ALMS1: variants seen among roughly 807,000 people sequenced by gnomAD.
ALMS1 encodes centrosome-associated protein ALMS1.
In ALMS1, 271 loss-of-function variants were observed where a neutral mutation model predicts 352.2. That is an observed-to-expected ratio of 0.77 (90% CI 0.70 to 0.85). The LOEUF is 0.85. Ranked by LOEUF, ALMS1 falls within the 40% of genes least tolerant of loss-of-function variation. The pLI, the probability that ALMS1 is intolerant of heterozygous loss-of-function variation, is 0.00. For synonymous variants in ALMS1, 1,865 were observed against 1,761.2 expected, an observed-to-expected ratio of 1.06 and a Z score of -1.48; for missense variants, 5,445 against 4,870.7, an observed-to-expected ratio of 1.12 and a Z score of -3.51.
rs1398660557 is a variant in ALMS1 at position 73,600,822 on chromosome 2, T to C, written c.11813T>C (p.Leu3938Pro). The change falls in exon 18 of 23, where the codon CTC (leucine) becomes CCC (proline). Residue 3938 changes from leucine (L) to proline (P), a missense_variant. Transcript: ENST00000613296. Reference sequence around the variant, plus strand: ...GAAGAAAAACGTGAAGAGAAAATGCTCTTTACCGGTTATCCTGAGGACAGA... The same window carrying C: ...GAAGAAAAACGTGAAGAGAAAATGCCCTTTACCGGTTATCCTGAGGACAGA... ...WSEEKREEKM[L>P]FTGYPEDRKL... The C allele has an allele frequency of 1.2e-6, 2 of 1,614,220 alleles. No homozygotes were observed. The highest frequency in any genetic ancestry group is 1.3e-5 in the African/African-American group (1 of 75,056).
At position 73,453,206 on chromosome 2, in the gene ALMS1, G is replaced by T. The variant is rs1671986679; in HGVS notation, c.6679G>T (p.Ala2227Ser). 6.2e-7 allele frequency: 1 copy of T among 1,613,858 alleles called. No individual in the cohort carries two copies. Among genetic ancestry groups the T allele is most frequent in the African/African-American group, 1.3e-5 (1 of 74,882 alleles). The change falls in exon 8 of 23, where the codon GCT becomes TCT. Residue 2227 changes from alanine to serine, a missense_variant. Ala to Ser is a moderately conservative substitution (Grantham distance 99, BLOSUM62 1). Coordinates refer to ENST00000613296, the MANE Select transcript of ALMS1 (RefSeq NM_001378454.1). ...SSNNVLLNSQ[A>S]DDRVVINKPE... Reference sequence around the variant, plus strand: ...AAATAATGTGCTTTTAAATTCTCAGGCTGATGACAGAGTTGTAATAAATAA... The same window carrying T: ...AAATAATGTGCTTTTAAATTCTCAGTCTGATGACAGAGTTGTAATAAATAA...
chr2:73,495,451 G>T (rs555768678), intron 10 of ALMS1, among the ~76,000 whole-genome samples: 1 of 152,212 alleles, frequency 6.6e-6, no homozygotes, highest in South Asian at 2.1e-4. Context: ...GGCCAGGCTG[G>T]TCTTGAACTC....
In ALMS1 at chr2:73,609,656, AC is replaced by A; in HGVS notation, c.*46del. 6.3e-7 allele frequency: 1 copy of A among 1,581,128 alleles called. No homozygotes were observed. The highest frequency in any genetic ancestry group is 8.7e-7 in the Non-Finnish European group (1 of 1,150,048). ...AGAGCCTTGGAATTCTATTTTATGAACCTAGAGAAGCAGAATCCTTACTTTT... is the reference window on the plus strand; with the variant it reads ...AGAGCCTTGGAATTCTATTTTATGAACTAGAGAAGCAGAATCCTTACTTTT... On this transcript the variant is annotated 3_prime_UTR_variant, in exon 23 of 23. Transcript: ENST00000613296.
At chr2:73,481,060 T>C (rs1385519609) in intron 9 of ALMS1, among the ~76,000 whole-genome samples, 2 of 151,788 alleles carry the variant, frequency 1.3e-5, no homozygotes, top group Non-Finnish European at 2.9e-5. Context: ...TCTTTTGCTG[T>C]GCAGAAGCTC....
At chr2:73,592,981 G>C (rs6710438) in intron 16 of ALMS1, among the ~76,000 whole-genome samples, 47,000 of 151,952 alleles carry the variant, frequency 0.31, 9,109 homozygotes, top group African/African-American at 0.55. Context: ...TTGTGTACAA[G>C]AGAAAGCCTA....
intron 7 of ALMS1, among the ~76,000 whole-genome samples, chr2:73,445,997 T>C (rs115713225): frequency 0.013 from 1,908 of 152,268 alleles, 40 homozygotes; most frequent in African/African-American, 0.044. Flanking sequence ...CATAGACACA[T>C]TTTATAAATC....
At chr2:73,482,187 G>A (rs555319514) in intron 9 of ALMS1, among the ~76,000 whole-genome samples, 1 of 152,164 alleles carries the variant, frequency 6.6e-6, no homozygotes, top group Non-Finnish European at 1.5e-5. Flanking sequence ...CAGTTTTTGG[G>A]CATTCAGTAT....
chr2:73,571,203 A>G (rs1432401256), intron 15 of ALMS1, among the ~76,000 whole-genome samples: 1 of 152,202 alleles, frequency 6.6e-6, no homozygotes, highest in African/African-American at 2.4e-5. Flanking sequence ...GTATTTCATG[A>G]AAACTCTGCT....
At chr2:73,519,030 A>G (rs1264859923) in intron 10 of ALMS1, among the ~76,000 whole-genome samples, 1 of 152,328 alleles carries the variant, frequency 6.6e-6, no homozygotes, top group African/African-American at 2.4e-5. Context: ...TCTAGGTTGC[A>G]TATGTGGTAT....
chr2:73,444,352 T>C (rs1671769253), intron 7 of ALMS1, among the ~76,000 whole-genome samples: 1 of 150,274 alleles, frequency 6.7e-6, no homozygotes, highest in African/African-American at 2.4e-5. Context: ...CCAGGGTTAT[T>C]CTGTTAGGAA....
chr2:73,487,632 G>T (rs930062896), intron 9 of ALMS1, among the ~76,000 whole-genome samples: 1 of 152,212 alleles, frequency 6.6e-6, no homozygotes, highest in African/African-American at 2.4e-5. Context: ...TTGTGTTACA[G>T]CTCTTTTAGT....
chr2:73,502,696 T>C (rs1315146088), intron 10 of ALMS1, among the ~76,000 whole-genome samples: 2 of 152,128 alleles, frequency 1.3e-5, no homozygotes, highest in Admixed American at 6.6e-5. Context: ...GTGAATTACA[T>C]TGGTCCAGTT....
chr2:73,516,494 C>T (rs1191052734), intron 10 of ALMS1, among the ~76,000 whole-genome samples: 2 of 152,176 alleles, frequency 1.3e-5, no homozygotes, highest in Non-Finnish European at 2.9e-5. Context: ...CACATATAAT[C>T]AATATCATAT....
At chr2:73,557,127 T>G (rs1239336864) in intron 13 of ALMS1, 93 bp from the exon 14 acceptor site, 6 of 1,550,502 alleles carry the variant, frequency 3.9e-6, no homozygotes, top group Non-Finnish European at 5.3e-6. Flanking sequence ...GTAAATGGGT[T>G]TGGGGTTTTG....
chr2:73,540,432 C>A (rs1181411876), intron 12 of ALMS1, among the ~76,000 whole-genome samples: 1 of 152,134 alleles, frequency 6.6e-6, no homozygotes, highest in Non-Finnish European at 1.5e-5. Flanking sequence ...ATTGTAAAGA[C>A]CATTGAGGCT....
chr2:73,564,508 TTTTTACTG>T (rs1412583302), intron 15 of ALMS1, among the ~76,000 whole-genome samples: 1 of 151,410 alleles, frequency 6.6e-6, no homozygotes, highest in Non-Finnish European at 1.5e-5. Context: ...AATTCAATGA[TTTTTACTG>T]TATTCACAGA....
chr2:73,479,583 T>C (rs1205733886), intron 9 of ALMS1, among the ~76,000 whole-genome samples: 1 of 152,202 alleles, frequency 6.6e-6, no homozygotes, highest in Non-Finnish European at 1.5e-5. Context: ...ATGTATAGTA[T>C]TCCAAAGTAT....
intron 15 of ALMS1, among the ~76,000 whole-genome samples, chr2:73,564,886 C>T (rs1312415301): frequency 6.6e-6 from 1 of 152,194 alleles, no homozygotes; most frequent in African/African-American, 2.4e-5. Context: ...GAATTTATAA[C>T]CACAAACTAG....
chr2:73,466,162 C>A (rs1167961495), intron 9 of ALMS1, among the ~76,000 whole-genome samples: 1 of 152,112 alleles, frequency 6.6e-6, no homozygotes, highest in Non-Finnish European at 1.5e-5. Context: ...ATAAATCGTG[C>A]TGCTATAAAG....
Sources: gnomAD v4.1 joint callset for allele counts (sites outside exome capture counted in the v4.1 genomes callset) on GRCh38, gnomAD v4.1.1 for gene constraint, MANE v1.5 for transcripts, NCBI Gene and HGNC (gene_info 2026-07-23, HGNC 2026-07-21) for gene names.